RBFOX1: variants seen among roughly 807,000 people sequenced by gnomAD.
RBFOX1 encodes the protein RNA binding protein fox-1 homolog 1.
Under a neutral mutation model 57.7 loss-of-function variants are expected in RBFOX1, and 8 were observed. That is an observed-to-expected ratio of 0.14 (90% CI 0.08 to 0.25). The LOEUF (loss-of-function observed/expected upper bound fraction) is 0.25. Among genes scored for constraint, RBFOX1 ranks in the 10% least tolerant of loss-of-function variants. The pLI is 1.00. For missense variants in RBFOX1, 611 were observed against 548.5 expected, an observed-to-expected ratio of 1.11 and a Z score of -1.14; for synonymous variants, 326 against 222.4, an observed-to-expected ratio of 1.47 and a Z score of -4.15.
At chr16:6,775,169 C>CA (rs74584596) in intron 3 of RBFOX1, among the ~76,000 whole-genome samples, 13,614 of 84,022 alleles carry the variant, frequency 0.16, 1,511 homozygotes, top group East Asian at 0.54. Flanking sequence ...ACTAAAAGTA[C>CA]AAAAAAAAAA....
chr16:5,462,171 T>TC (rs1466618711), intron 1 of RBFOX1, among the ~76,000 whole-genome samples: 9 of 133,130 alleles, frequency 6.8e-5, no homozygotes, highest in African/African-American at 1.8e-4. Flanking sequence ...TTTCTTTCTT[T>TC]TTTTTTTTTT....
chr16:5,268,174 G>A (rs2062910474), intron 1 of RBFOX1, among the ~76,000 whole-genome samples: 1 of 152,020 alleles, frequency 6.6e-6, no homozygotes, highest in Non-Finnish European at 1.5e-5. Context: ...CAAGCACCTT[G>A]ATCGGCTTCA....
chr16:7,402,891 A>C (rs183985730), intron 4 of RBFOX1, among the ~76,000 whole-genome samples: 1 of 152,172 alleles, frequency 6.6e-6, no homozygotes, highest in Non-Finnish European at 1.5e-5. Flanking sequence ...ATTGATGCCT[A>C]AAGTATAAAC....
intron 2 of RBFOX1, among the ~76,000 whole-genome samples, chr16:5,480,784 T>C (rs2069513584): frequency 6.6e-6 from 1 of 152,248 alleles, no homozygotes; most frequent in African/African-American, 2.4e-5. Flanking sequence ...TGTGCCTTTC[T>C]TCTCAGTGCA....
intron 3 of RBFOX1, among the ~76,000 whole-genome samples, chr16:5,763,862 A>T (rs140255892): frequency 3.2e-4 from 48 of 151,790 alleles, no homozygotes; most frequent in African/African-American, 9.7e-4. Flanking sequence ...TTAAGTAGCA[A>T]CTCCTTCTTT....
rs1326351247 is a variant in RBFOX1 at position 6,513,715 on chromosome 16, CAA to C, written c.-63-140887_-63-140886del. ...CACCATTGCACTCCAGCCTGGGGGACAAGAGTGAGACTTCGTCTCAAAAACAA... is the reference window on the plus strand; with the variant it reads ...CACCATTGCACTCCAGCCTGGGGGACGAGTGAGACTTCGTCTCAAAAACAA... On this transcript the variant is annotated intron_variant, in intron 2 of 15. Coordinates refer to ENST00000550418, the MANE Select transcript of RBFOX1 (RefSeq NM_018723.4). Among the ~76,000 whole-genome samples, 28 of 151,936 alleles carry C rather than the reference CAA, an allele frequency of 1.8e-4. 1 individual carries two copies.
intron 14 of RBFOX1, among the ~76,000 whole-genome samples, chr16:7,694,688 T>G (rs2078242936): frequency 6.6e-6 from 1 of 152,192 alleles, no homozygotes; most frequent in Non-Finnish European, 1.5e-5. Context: ...CAGTGCTAGG[T>G]GCAATGGTTA....
chr16:6,718,363 G>T (rs2065253132), intron 3 of RBFOX1, among the ~76,000 whole-genome samples: 1 of 152,200 alleles, frequency 6.6e-6, no homozygotes, highest in Admixed American at 6.5e-5. Context: ...AGAGATAGAT[G>T]ATAAGGAAGT....
At chr16:7,350,698 C>T (rs145264820) in intron 4 of RBFOX1, among the ~76,000 whole-genome samples, 135 of 152,254 alleles carry the variant, frequency 8.9e-4, no homozygotes, top group Middle Eastern at 6.8e-3. Context: ...TTCATGCTGC[C>T]ATTTCTTTGA....
chr16:6,462,544 T>G (rs1297401244), intron 2 of RBFOX1, among the ~76,000 whole-genome samples: 2 of 152,226 alleles, frequency 1.3e-5, no homozygotes, highest in African/African-American at 4.8e-5. Context: ...TTGTGTATTT[T>G]TTTCTTCTGC....
chr16:7,092,791 C>T (rs1031232855), intron 4 of RBFOX1, among the ~76,000 whole-genome samples: 2 of 152,194 alleles, frequency 1.3e-5, no homozygotes, highest in Non-Finnish European at 2.9e-5. Context: ...GATTGCAGTT[C>T]ACAAGTTTGG....
At chr16:5,797,866 G>C (rs1283128276) in intron 3 of RBFOX1, among the ~76,000 whole-genome samples, 9 of 152,160 alleles carry the variant, frequency 5.9e-5, no homozygotes, top group Non-Finnish European at 1.2e-4. Context: ...TGAGGCCTTA[G>C]AACAAGCAGG....
intron 4 of RBFOX1, among the ~76,000 whole-genome samples, chr16:5,933,919 T>C (rs1443508182): frequency 6.6e-6 from 1 of 152,134 alleles, no homozygotes; most frequent in Admixed American, 6.6e-5. Flanking sequence ...ACCCAATAAT[T>C]ATTTTTTCTG....
At chr16:6,232,913 G>C (rs571828032) in intron 1 of RBFOX1, among the ~76,000 whole-genome samples, 1 of 152,242 alleles carries the variant, frequency 6.6e-6, no homozygotes, top group East Asian at 1.9e-4. Context: ...GTGAGATGTG[G>C]ACAGCGTCAG....
chr16:6,959,287 G>A (rs932743320), intron 3 of RBFOX1, among the ~76,000 whole-genome samples: 1 of 152,152 alleles, frequency 6.6e-6, no homozygotes, highest in Non-Finnish European at 1.5e-5. Flanking sequence ...GAGGGAGCCA[G>A]TACAGTCATA....
intron 3 of RBFOX1, among the ~76,000 whole-genome samples, chr16:6,740,985 G>C (rs1369424966): frequency 6.6e-6 from 1 of 152,132 alleles, no homozygotes; most frequent in South Asian, 2.1e-4. Flanking sequence ...TGTAACTCCA[G>C]TCATCATCGC....
At chr16:6,605,185 G>A (rs771055455) in intron 2 of RBFOX1, among the ~76,000 whole-genome samples, 1 of 152,070 alleles carries the variant, frequency 6.6e-6, no homozygotes, top group Non-Finnish European at 1.5e-5. Flanking sequence ...GCTACAGTGA[G>A]ATGTGATCAA....
intron 1 of RBFOX1, among the ~76,000 whole-genome samples, chr16:5,244,835 A>G (rs1415627093): frequency 2.6e-5 from 4 of 152,222 alleles, no homozygotes; most frequent in Admixed American, 2.6e-4. Flanking sequence ...TAGCTATGAC[A>G]GAGAGGGGCA....
At chr16:7,424,605 C>T (rs1200337299) in intron 4 of RBFOX1, among the ~76,000 whole-genome samples, 1 of 152,148 alleles carries the variant, frequency 6.6e-6, no homozygotes, top group Non-Finnish European at 1.5e-5. Context: ...CTGGTAAGGA[C>T]TTGATGTTTA....
Sources: allele counts gnomAD v4.1 joint callset (sites outside exome capture counted in the v4.1 genomes callset), GRCh38; gene constraint gnomAD v4.1.1; transcripts MANE v1.5; gene names NCBI Gene and HGNC (gene_info 2026-07-23, HGNC 2026-07-21).